GRIA3: variants seen among roughly 807,000 people sequenced by gnomAD.
GRIA3 encodes the protein glutamate receptor 3.
In GRIA3, 3 loss-of-function variants were observed where a neutral mutation model predicts 63.0. The ratio of observed to expected loss-of-function variants is 0.05; its 90% CI spans 0.02 to 0.12. The LOEUF (loss-of-function observed/expected upper bound fraction) is 0.12. Ranked by LOEUF, GRIA3 falls within the 10% of genes least tolerant of loss-of-function variation. The probability of loss-of-function intolerance (pLI) is 1.00; values close to 1 mark genes in which losing one functional copy is unlikely to be tolerated. For missense variants in GRIA3, 347 were observed against 700.9 expected, an observed-to-expected ratio of 0.50 and a Z score of 5.70; for synonymous variants, 274 against 257.9, an observed-to-expected ratio of 1.06 and a Z score of -0.60.
intron 4 of GRIA3, among the ~76,000 whole-genome samples, chrX:123,326,963 T>A: frequency 9.4e-6 from 1 of 106,751 alleles, no homozygotes; most frequent in South Asian, 4.1e-4. Flanking sequence ...AGAGCAAGAC[T>A]CTGTCTCAAA....
At chrX:123,327,466 A>C (rs1369383584) in intron 4 of GRIA3, among the ~76,000 whole-genome samples, 1 of 111,577 alleles carries the variant, frequency 9.0e-6, no homozygotes, top group Non-Finnish European at 1.9e-5. Context: ...AGGGGCCAAA[A>C]CAGCTTCAGA....
intron 15 of GRIA3, among the ~76,000 whole-genome samples, chrX:123,485,695 C>CA (rs917035574): frequency 1.8e-5 from 2 of 111,852 alleles, no homozygotes; most frequent in African/African-American, 6.5e-5. Context: ...CTTTCTGAAA[C>CA]AGGATTACAT....
At chrX:123,217,751 G>T (rs965939162) in intron 2 of GRIA3, among the ~76,000 whole-genome samples, 2 of 112,117 alleles carry the variant, frequency 1.8e-5, no homozygotes, top group African/African-American at 6.5e-5. Flanking sequence ...TCCAATGAAG[G>T]GGGGACCTCA....
chrX:123,357,648 G>C (rs1237185320), intron 5 of GRIA3, among the ~76,000 whole-genome samples: 3 of 110,108 alleles, frequency 2.7e-5, no homozygotes, highest in Non-Finnish European at 5.7e-5. Flanking sequence ...TGGAGTGATA[G>C]AACTGAAAGA....
intron 2 of GRIA3, among the ~76,000 whole-genome samples, chrX:123,210,147 TA>T (rs539275485): frequency 0.018 from 1,729 of 95,725 alleles, 15 homozygotes; most frequent in Non-Finnish European, 0.026. Flanking sequence ...AGCTCCATAT[TA>T]AAAAAAAAAA....
At chrX:123,260,471 G>GA (rs1569409658) in intron 3 of GRIA3, among the ~76,000 whole-genome samples, 1 of 1,709 alleles carries the variant, frequency 5.9e-4, no homozygotes, top group Non-Finnish European at 1.5e-3. Flanking sequence ...GAAGGAAGAA[G>GA]AAAGGAAAGA....
chrX:123,365,768 A>G (rs1186932807), intron 5 of GRIA3, among the ~76,000 whole-genome samples: 5 of 111,990 alleles, frequency 4.5e-5, no homozygotes, highest in African/African-American at 1.6e-4. Flanking sequence ...GGGATACAAA[A>G]AGAAGAGATT....
At chrX:123,363,222 T>C (rs1173755777) in intron 5 of GRIA3, among the ~76,000 whole-genome samples, 3 of 111,977 alleles carry the variant, frequency 2.7e-5, no homozygotes, top group Non-Finnish European at 5.6e-5. Flanking sequence ...ATTCTACTGC[T>C]TTTATCTTTC....
chrX:123,325,244 T>C (rs1250332391), intron 3 of GRIA3, among the ~76,000 whole-genome samples: 2 of 111,893 alleles, frequency 1.8e-5, no homozygotes, highest in Non-Finnish European at 3.8e-5. Context: ...ATACTTCAGA[T>C]ATTTTGTTCT....
rs5903639 is a variant in GRIA3, at chrX:123,362,715, T to TAA, written c.750+7763_750+7764dup. 2.6e-3 allele frequency among the ~76,000 whole-genome samples: 260 copies of TAA among 101,220 alleles called. 1 individual carries two copies. Among genetic ancestry groups the TAA allele is most frequent in the African/African-American group, 8.6e-3 (239 of 27,794 alleles). 87.9% of individuals were successfully genotyped at this position (101,220 alleles called of 115,157 possible). A position where few individuals can be genotyped will look rare whatever the true frequency, so the allele number is the denominator to read the frequency against. ...AATTATACCTCAATGAAGCTGTTAG[T>TAA]AAAAAAAAAAAAGAGAGAGAGAGAG... On this transcript the variant is annotated intron_variant, in intron 5 of 15. Coordinates refer to ENST00000620443, the MANE Select transcript of GRIA3 (RefSeq NM_007325.5).
chrX:123,449,188 G>A (rs1378078444), intron 12 of GRIA3, among the ~76,000 whole-genome samples: 1 of 112,214 alleles, frequency 8.9e-6, no homozygotes, highest in Non-Finnish European at 1.9e-5. Flanking sequence ...CTTCTCCACA[G>A]CACTCATGCT....
intron 4 of GRIA3, among the ~76,000 whole-genome samples, chrX:123,338,726 A>G (rs750924122): frequency 5.3e-4 from 59 of 110,681 alleles, no homozygotes; most frequent in Admixed American, 5.3e-3. Context: ...AATTTTTTGT[A>G]TTTTTAGTAG....
intron 3 of GRIA3, among the ~76,000 whole-genome samples, chrX:123,290,434 A>G (rs768997603): frequency 8.9e-6 from 1 of 111,744 alleles, no homozygotes; most frequent in Admixed American, 9.5e-5. Flanking sequence ...AATGAAGGTC[A>G]GAAAACACTA....
At chrX:123,211,401 A>C (rs1478787903) in intron 2 of GRIA3, among the ~76,000 whole-genome samples, 1 of 111,573 alleles carries the variant, frequency 9.0e-6, no homozygotes, top group Non-Finnish European at 1.9e-5. Context: ...TATACAATAA[A>C]TATATGTCAG....
intron 5 of GRIA3, among the ~76,000 whole-genome samples, chrX:123,355,442 T>C (rs1333150872): frequency 3.6e-5 from 4 of 112,350 alleles, no homozygotes; most frequent in East Asian, 2.8e-4. Context: ...GCCACCTTTC[T>C]ACTTACATAA....
At chrX:123,271,828 A>T (rs2044525261) in intron 3 of GRIA3, among the ~76,000 whole-genome samples, 1 of 112,227 alleles carries the variant, frequency 8.9e-6, no homozygotes, top group Non-Finnish European at 1.9e-5. Flanking sequence ...AGCCAGTGCT[A>T]GACGCCCTGA....
Position 123,482,875 on chromosome X carries a change from T to C in GRIA3, c.2516T>C (p.Met839Thr). The change falls in exon 15 of 16, where the codon ATG (methionine) becomes ACG (threonine). Residue 839 changes from methionine to threonine, a missense_variant. Met to Thr is a moderately conservative substitution (Grantham distance 81). This residue lies in a region of GRIA3 where 29 missense variants were observed against 46.7 expected (regional missense o/e 0.62). Transcript: ENST00000620443. Reference sequence around the variant, plus strand: ...CTTGTCGGAGGTCTGGGGCTGGCCATGATGGTGGCTTTGATAGAATTCTGT... The same window carrying C: ...CTTGTCGGAGGTCTGGGGCTGGCCACGATGGTGGCTTTGATAGAATTCTGT... Reference protein sequence around the residue: ...YILVGGLGLAMMVALIEFCYK... With the variant: ...YILVGGLGLATMVALIEFCYK... The C allele has an allele frequency of 8.3e-7, 1 of 1,210,905 alleles. No individual in the cohort carries two copies. The highest frequency in any genetic ancestry group is 1.1e-6 in the Non-Finnish European group (1 of 894,865).
intron 5 of GRIA3, among the ~76,000 whole-genome samples, chrX:123,377,425 T>C (rs2045293671): frequency 8.9e-6 from 1 of 112,228 alleles, no homozygotes; most frequent in Admixed American, 9.4e-5. Flanking sequence ...TGGAAATAGG[T>C]AAACCATGAA....
chrX:123,365,464 T>G (rs1048190246), intron 5 of GRIA3, among the ~76,000 whole-genome samples: 3 of 111,552 alleles, frequency 2.7e-5, no homozygotes, highest in Non-Finnish European at 5.7e-5. Flanking sequence ...GAGCAGAAGA[T>G]AACAGATAAT....
Sources: gnomAD v4.1 joint callset for allele counts (sites outside exome capture counted in the v4.1 genomes callset) on GRCh38, gnomAD v4.1.1 for gene constraint, gnomAD v4.1.1 regional missense constraint, MANE v1.5 for transcripts, NCBI Gene and HGNC (gene_info 2026-07-23, HGNC 2026-07-21) for gene names.